Variants in LINGO2 observed in about 807,000 individuals in gnomAD.
The protein encoded by LINGO2 is leucine-rich repeat and immunoglobulin-like domain-containing nogo receptor-interacting protein 2.
Under a neutral mutation model 30.6 loss-of-function variants are expected in LINGO2, and 14 were observed. That is an observed-to-expected ratio of 0.46 (90% CI 0.30 to 0.72). LINGO2 has a LOEUF of 0.72. Ranked by LOEUF, LINGO2 falls within the 30% of genes least tolerant of loss-of-function variation. LINGO2 has a pLI of 0.07. For synonymous variants in LINGO2, 317 were observed against 288.5 expected (o/e 1.10, Z -1.00); for missense variants, 729 against 751.7 (o/e 0.97, Z 0.35).
At chr9:28,954,968 T>C in the LINGO2 span, among the ~76,000 whole-genome samples, 4 of 152,024 alleles carry the variant, frequency 2.6e-5, no homozygotes, top group South Asian at 2.1e-4. Context: ...TAATGACTCA[T>C]ACCGAACCAA....
chr9:28,298,301 T>C (rs1185705582), intron 3 of LINGO2, among the ~76,000 whole-genome samples: 1 of 152,040 alleles, frequency 6.6e-6, no homozygotes, highest in Admixed American at 6.5e-5. Flanking sequence ...CTGCTATTAC[T>C]GGGATGCATA....
the LINGO2 span, among the ~76,000 whole-genome samples, chr9:28,784,641 T>C: frequency 0.073 from 11,114 of 152,168 alleles, 1,294 homozygotes; most frequent in African/African-American, 0.25. Context: ...CAACACAAGA[T>C]AGTATATGAT....
intron 1 of LINGO2, among the ~76,000 whole-genome samples, chr9:28,585,317 T>C (rs564280990): frequency 1.3e-5 from 2 of 151,980 alleles, no homozygotes; most frequent in Admixed American, 6.6e-5. Flanking sequence ...TGTTGTTTCT[T>C]GGACTGTGGC....
At chr9:28,876,086 G>C in the LINGO2 span, among the ~76,000 whole-genome samples, 1 of 151,810 alleles carries the variant, frequency 6.6e-6, no homozygotes, top group Admixed American at 6.6e-5. Flanking sequence ...AACTCTGCTG[G>C]GTCTATGGAC....
chr9:28,557,664 T>TA (rs1436159328), intron 1 of LINGO2, among the ~76,000 whole-genome samples: 2 of 151,732 alleles, frequency 1.3e-5, no homozygotes, highest in African/African-American at 4.8e-5. Flanking sequence ...CCCAAAGGAC[T>TA]ATAAATCATG....
chr9:28,234,881 T>C (rs115740805), intron 4 of LINGO2, among the ~76,000 whole-genome samples: 34 of 150,128 alleles, frequency 2.3e-4, no homozygotes, highest in African/African-American at 8.6e-4. Flanking sequence ...TATACACCAC[T>C]ACTTCTGTCC....
chr9:28,362,955 C>T (rs1820509840), intron 3 of LINGO2, among the ~76,000 whole-genome samples: 3 of 152,180 alleles, frequency 2.0e-5, no homozygotes, highest in Non-Finnish European at 2.9e-5. Context: ...CTTAAGGGAA[C>T]TGCTTATACA....
the LINGO2 span, among the ~76,000 whole-genome samples, chr9:28,932,217 G>A: frequency 6.6e-6 from 1 of 151,974 alleles, no homozygotes; most frequent in Non-Finnish European, 1.5e-5. Context: ...AAGCAAGACT[G>A]CATCACATTC....
At chr9:28,848,562 TC>T in the LINGO2 span, among the ~76,000 whole-genome samples, 2 of 150,588 alleles carry the variant, frequency 1.3e-5, no homozygotes, top group African/African-American at 4.9e-5. Context: ...CTTGGTTTGC[TC>T]CTAAACAAAA....
chr9:28,121,423 C>T (rs1827094042), intron 4 of LINGO2, among the ~76,000 whole-genome samples: 1 of 152,170 alleles, frequency 6.6e-6, no homozygotes, highest in Non-Finnish European at 1.5e-5. Flanking sequence ...AATTTTATCT[C>T]GTTAAAATTT....
the LINGO2 span, among the ~76,000 whole-genome samples, chr9:29,079,464 A>T: frequency 1.8e-4 from 27 of 152,032 alleles, no homozygotes; most frequent in Admixed American, 3.3e-4. Flanking sequence ...ACATTGTGAT[A>T]TTAATATCTA....
At chr9:28,765,437 A>G in the LINGO2 span, among the ~76,000 whole-genome samples, 2 of 152,032 alleles carry the variant, frequency 1.3e-5, no homozygotes, top group Non-Finnish European at 2.9e-5. Context: ...TTGATCCCCA[A>G]TGTGTGGTGG....
intron 1 of LINGO2, among the ~76,000 whole-genome samples, chr9:28,664,874 A>G (rs1460438280): frequency 6.6e-6 from 1 of 151,564 alleles, no homozygotes; most frequent in Non-Finnish European, 1.5e-5. Context: ...CTGAGCACTT[A>G]TTACTGAATA....
At chr9:28,854,907 GA>G in the LINGO2 span, among the ~76,000 whole-genome samples, 1 of 151,828 alleles carries the variant, frequency 6.6e-6, no homozygotes, top group East Asian at 1.9e-4. Flanking sequence ...ACTTAAAAAA[GA>G]ATGTCAATTA....
At position 27,949,587 on chromosome 9, in the gene LINGO2, C is replaced by T. The variant is rs1471771066; in HGVS notation, c.1085G>A (p.Arg362His). Residue 362 changes from arginine (R) to histidine (H), a missense_variant, in exon 6 of 6, where the codon CGC becomes CAC. By Grantham distance (29) the Arg-to-His change is conservative. Transcript: ENST00000379992. ...CTGTCGCTGCAAGATCCAGAGAAGGCGGCAGTCACAGGCCAGAGGGTTGTT... is the reference window on the plus strand; with the variant it reads ...CTGTCGCTGCAAGATCCAGAGAAGGTGGCAGTCACAGGCCAGAGGGTTGTT... 5 of 1,613,884 alleles carry T rather than the reference C, an allele frequency of 3.1e-6. No individual in the cohort carries two copies. Among genetic ancestry groups the T allele is most frequent in the Admixed American group, 1.7e-5 (1 of 59,992 alleles).
Position 28,148,966 on chromosome 9 carries a change from G to A in LINGO2, c.-86-136561C>T. 1 of 1,534,112 alleles carries A rather than the reference G, an allele frequency of 6.5e-7. No individual in the cohort carries two copies. The highest frequency in any genetic ancestry group is 8.7e-7 in the Non-Finnish European group (1 of 1,146,750). ...GCCACAGTTCCCACAAAAGAAAACT[G>A]TCGGGGCCACCGCTGCAGCTGCAAC... On this transcript the variant is annotated intron_variant, in intron 4 of 5. Coordinates refer to ENST00000379992, the Ensembl canonical transcript of LINGO2. The surrounding 1 kb of genome is among the most constrained non-coding windows in gnomAD (Gnocchi z 5.1).
intron 1 of LINGO2, among the ~76,000 whole-genome samples, chr9:28,520,755 T>C (rs1314494395): frequency 6.6e-6 from 1 of 152,192 alleles, no homozygotes; most frequent in Non-Finnish European, 1.5e-5. Flanking sequence ...ACAGCTACTA[T>C]AGTAAGGAAG....
the LINGO2 span, among the ~76,000 whole-genome samples, chr9:29,167,899 T>C: frequency 6.6e-6 from 1 of 152,188 alleles, no homozygotes; most frequent in African/African-American, 2.4e-5. Flanking sequence ...TGGCCATCAT[T>C]TCTTTCTACC....
intron 4 of LINGO2, among the ~76,000 whole-genome samples, chr9:28,290,976 C>T (rs2134167540): frequency 6.6e-6 from 1 of 152,278 alleles, no homozygotes; most frequent in African/African-American, 2.4e-5. Flanking sequence ...TGTATATAAG[C>T]TGCAGCTCCC....
Sources: gnomAD v4.1 joint callset for allele counts (sites outside exome capture counted in the v4.1 genomes callset) on GRCh38, gnomAD v4.1.1 for gene constraint, Gnocchi (gnomAD v3.1) non-coding constraint, MANE v1.5 for transcripts, NCBI Gene and HGNC (gene_info 2026-07-23, HGNC 2026-07-21) for gene names.